Variants in POLD3 observed in about 807,000 individuals in gnomAD.
The protein encoded by POLD3 is DNA polymerase delta 3, accessory subunit.
Under a neutral mutation model 58.2 loss-of-function variants are expected in POLD3, and 19 were observed. The observed-to-expected ratio is 0.33, with a 90% CI of 0.23 to 0.48. The LOEUF (loss-of-function observed/expected upper bound fraction) is 0.48, where lower values mean the gene tolerates loss of function less well. Among genes scored for constraint, POLD3 ranks in the 20% least tolerant of loss-of-function variants. The pLI, the probability that POLD3 is intolerant of heterozygous loss-of-function variation, is 0.99. For synonymous variants in POLD3, 172 were observed against 193.5 expected (o/e 0.89, Z 0.92); for missense variants, 504 against 545.5 (o/e 0.92, Z 0.76).
At chr11:74,663,654 G>A (rs2033231757) in intron 4 of POLD3, among the ~76,000 whole-genome samples, 3 of 152,178 alleles carry the variant, frequency 2.0e-5, no homozygotes, top group Admixed American at 1.3e-4. Flanking sequence ...CTATTAAAAT[G>A]TTTTTAGAAG....
chr11:74,654,356 A>C (rs1475722317), intron 4 of POLD3, among the ~76,000 whole-genome samples: 1 of 152,206 alleles, frequency 6.6e-6, no homozygotes, highest in Non-Finnish European at 1.5e-5. Flanking sequence ...AAAGAGACAT[A>C]ATAAGAGAGT....
intron 9 of POLD3, among the ~76,000 whole-genome samples, chr11:74,633,312 T>C (rs2032650121): frequency 6.6e-6 from 1 of 152,230 alleles, no homozygotes; most frequent in Admixed American, 6.5e-5. Context: ...CTCCCAGAGC[T>C]GGCTAATAGC....
rs1279876394 is a variant in POLD3, at chr11:74,625,409, T to G, written c.735T>G (p.Asn245Lys). The G allele has an allele frequency of 1.9e-6, 3 of 1,600,682 alleles. No individual in the cohort carries two copies. In the African/African-American group the frequency reaches 4.1e-5, roughly 22 times the overall value. ...MSNFFGKAAMNKFKVNLDSEQ... is the reference protein window; with the variant it reads ...MSNFFGKAAMKKFKVNLDSEQ... The stretch of plus-strand genomic sequence containing the variant: ...TCGTCTGCTATACTTTATTTATAGA[T>G]AAATTTAAAGTCAATTTGGACTCAG... The change falls in exon 8 of 12, where the codon AAT becomes AAG. Residue 245 changes from asparagine (N) to lysine (K), a missense_variant and splice_region_variant. Transcript: ENST00000263681.
chr11:74,661,579 G>A (rs1166011192), intron 4 of POLD3, among the ~76,000 whole-genome samples: 1 of 152,218 alleles, frequency 6.6e-6, no homozygotes, highest in Non-Finnish European at 1.5e-5. Context: ...TGGAGCTGGA[G>A]TGGGGTGACA....
At chr11:74,616,624 C>T (rs754058023) in intron 5 of POLD3, among the ~76,000 whole-genome samples, 16 of 152,130 alleles carry the variant, frequency 1.1e-4, no homozygotes, top group Non-Finnish European at 2.4e-4. Context: ...AAATGATTTC[C>T]GTCTGTTCTT....
chr11:74,667,615 C>A (rs1236105694), intron 4 of POLD3, among the ~76,000 whole-genome samples: 1 of 152,148 alleles, frequency 6.6e-6, no homozygotes, highest in Non-Finnish European at 1.5e-5. Context: ...TAAAAATGGA[C>A]CATAGTCCTG....
chr11:74,611,658 A>G, intron 4 of POLD3, 120 bp downstream of exon 4: 1 of 623,938 alleles, frequency 1.6e-6, no homozygotes, highest in Non-Finnish European at 2.8e-6. Context: ...ATAGCCCAAT[A>G]TTCATTTTAT....
intron 3 of POLD3, among the ~76,000 whole-genome samples, chr11:74,608,765 T>C (rs1490146337): frequency 6.6e-6 from 1 of 152,182 alleles, no homozygotes; most frequent in South Asian, 2.1e-4. Flanking sequence ...CTGCATTGGT[T>C]TTGAGTGGTT....
At chr11:74,626,639 A>G (rs2032440709) in intron 8 of POLD3, among the ~76,000 whole-genome samples, 1 of 152,198 alleles carries the variant, frequency 6.6e-6, no homozygotes, top group Non-Finnish European at 1.5e-5. Context: ...ATATTACACT[A>G]AGCATTTGTT....
downstream of POLD3, among the ~76,000 whole-genome samples, chr11:74,647,155 C>G (rs1416741067): frequency 6.6e-6 from 1 of 152,234 alleles, no homozygotes; most frequent in African/African-American, 2.4e-5. Flanking sequence ...CTTTGCCCGC[C>G]TGCTGCTCAC....
At chr11:74,660,839 C>T (rs1009777955) in intron 4 of POLD3, among the ~76,000 whole-genome samples, 31 of 152,022 alleles carry the variant, frequency 2.0e-4, no homozygotes, top group Admixed American at 2.0e-3. Flanking sequence ...AAACCTTTTT[C>T]TTTATAAATT....
chr11:74,613,098 C>G, intron 5 of POLD3, 88 bp downstream of exon 5: 2 of 1,173,846 alleles, frequency 1.7e-6, no homozygotes, highest in Non-Finnish European at 2.4e-6. Context: ...GAGTGAATGC[C>G]AAGTCTAGTA....
At position 74,592,717 on chromosome 11, in the gene POLD3, T is replaced by C; in HGVS notation, c.59T>C (p.Ile20Thr). 1 of 1,613,922 alleles carries C rather than the reference T, an allele frequency of 6.2e-7. No homozygotes were observed. The highest frequency in any genetic ancestry group is 8.5e-7 in the Non-Finnish European group (1 of 1,179,916). Residue 20 changes from isoleucine to threonine, a missense_variant and splice_region_variant, in exon 1 of 12, where the codon ATC becomes ACC. Coordinates refer to ENST00000263681, the MANE Select transcript of POLD3 (RefSeq NM_006591.3). ...IDEFVTDQNKIVTYKWLSYTL... is the reference protein window; with the variant it reads ...IDEFVTDQNKTVTYKWLSYTL... ...GAGTTCGTCACGGACCAAAACAAGA[T>C]CGTGAGCAGCTACTACTGGGGAACG...
chr11:74,655,497 A>G (rs1172113288), intron 4 of POLD3, among the ~76,000 whole-genome samples: 1 of 152,250 alleles, frequency 6.6e-6, no homozygotes, highest in East Asian at 1.9e-4. Flanking sequence ...ATGGGGGGAA[A>G]TAAAATGATA....
Position 74,641,105 on chromosome 11 carries a change from G to C in POLD3, c.*339G>C. Reference sequence around the variant, plus strand: ...ACCCACTGTGCTCCACTCACCCTATGCCCTGGTCCGCATATGGCACAGGAA... The same window carrying C: ...ACCCACTGTGCTCCACTCACCCTATCCCCTGGTCCGCATATGGCACAGGAA... On this transcript the variant is annotated 3_prime_UTR_variant, in exon 12 of 12. Coordinates refer to ENST00000263681, the MANE Select transcript of POLD3 (RefSeq NM_006591.3). 1 of 1,010,228 alleles carries C rather than the reference G, an allele frequency of 9.9e-7. No individual in the cohort carries two copies. Among genetic ancestry groups the C allele is most frequent in the Non-Finnish European group, 1.2e-6 (1 of 846,736 alleles). 62.6% of individuals were successfully genotyped at this position (1,010,228 alleles called of 1,614,324 possible). A position where few individuals can be genotyped will look rare whatever the true frequency, so the allele number is the denominator to read the frequency against.
At chr11:74,661,870 T>C (rs1212958846) in intron 4 of POLD3, among the ~76,000 whole-genome samples, 1 of 152,252 alleles carries the variant, frequency 6.6e-6, no homozygotes, top group Admixed American at 6.5e-5. Flanking sequence ...TGCTCTATTC[T>C]ACTGTGGTTA....
chr11:74,634,486 C>A, intron 9 of POLD3, 97 bp from the exon 10 acceptor site: 1 of 700,326 alleles, frequency 1.4e-6, no homozygotes, highest in Non-Finnish European at 2.6e-6. Flanking sequence ...TGCTAAATCC[C>A]CTTTGCTGGA....
chr11:74,637,822 TA>T (rs1183004813), intron 11 of POLD3, among the ~76,000 whole-genome samples: 10 of 136,276 alleles, frequency 7.3e-5, no homozygotes, highest in Non-Finnish European at 8.0e-5. Context: ...TTTTTTTTTT[TA>T]AAGGTTTTTG....
chr11:74,653,446 G>T (rs1482979551), intron 4 of POLD3, among the ~76,000 whole-genome samples: 1 of 151,970 alleles, frequency 6.6e-6, no homozygotes, highest in Non-Finnish European at 1.5e-5. Context: ...TACTTGAGGT[G>T]GTATATTATT....
Sources: gnomAD v4.1 joint callset for allele counts (sites outside exome capture counted in the v4.1 genomes callset) on GRCh38, gnomAD v4.1.1 for gene constraint, MANE v1.5 for transcripts, NCBI Gene and HGNC (gene_info 2026-07-23, HGNC 2026-07-21) for gene names.